CACNA2D1: variants seen among roughly 807,000 people sequenced by gnomAD.
CACNA2D1 encodes calcium voltage-gated channel auxiliary subunit alpha2delta 1.
CACNA2D1 carries 53 observed loss-of-function variants against 171.5 expected under a neutral mutation model. That is an observed-to-expected ratio of 0.31 (90% CI 0.25 to 0.39). The LOEUF is 0.39. Ranked by LOEUF, CACNA2D1 falls within the 10% of genes least tolerant of loss-of-function variation. CACNA2D1 has a pLI of 1.00. For missense variants in CACNA2D1, 903 were observed against 1,299.8 expected, an observed-to-expected ratio of 0.69 and a Z score of 4.69; for synonymous variants, 442 against 443.1, an observed-to-expected ratio of 1.00 and a Z score of 0.03.
intron 12 of CACNA2D1, among the ~76,000 whole-genome samples, chr7:82,032,084 G>T (rs37155): frequency 0.53 from 79,731 of 151,718 alleles, 23,239 homozygotes; most frequent in African/African-American, 0.8. Context: ...ATAATAGGAC[G>T]GCTAGAAAAA....
At chr7:82,389,132 GTA>G (rs1158111347) in intron 1 of CACNA2D1, among the ~76,000 whole-genome samples, 4 of 137,758 alleles carry the variant, frequency 2.9e-5, no homozygotes, top group Non-Finnish European at 4.6e-5. Flanking sequence ...ATAATAATTA[GTA>G]TATATATATA....
At chr7:81,983,838 T>C (rs1414174195) in intron 22 of CACNA2D1, among the ~76,000 whole-genome samples, 1 of 152,182 alleles carries the variant, frequency 6.6e-6, no homozygotes, top group Non-Finnish European at 1.5e-5. Flanking sequence ...AAAGAAACTG[T>C]AGCTTACTTT....
intron 26 of CACNA2D1, 122 bp downstream of exon 26, chr7:81,971,652 TTTC>T (rs1795287370): frequency 1.5e-6 from 1 of 672,158 alleles, no homozygotes; most frequent in Admixed American, 2.4e-5. Flanking sequence ...GTATAGTGAT[TTTC>T]TTGAGAAATA....
intron 3 of CACNA2D1, among the ~76,000 whole-genome samples, chr7:82,221,666 C>G (rs1279121519): frequency 6.6e-6 from 1 of 151,592 alleles, no homozygotes; most frequent in East Asian, 2.0e-4. Context: ...ATCGCTTGAA[C>G]CAGGGAGATG....
intron 5 of CACNA2D1, among the ~76,000 whole-genome samples, chr7:82,123,936 A>C (rs1790032933): frequency 6.6e-6 from 1 of 152,108 alleles, no homozygotes; most frequent in East Asian, 1.9e-4. Flanking sequence ...TATATCATAC[A>C]ATCAGTATAT....
intron 3 of CACNA2D1, among the ~76,000 whole-genome samples, chr7:82,303,552 AG>A (rs1813326317): frequency 6.6e-6 from 1 of 152,166 alleles, no homozygotes. Context: ...ACAAGGCAAT[AG>A]TAACCAAAAT....
At chr7:82,227,746 A>G (rs1247786753) in intron 3 of CACNA2D1, among the ~76,000 whole-genome samples, 1 of 152,172 alleles carries the variant, frequency 6.6e-6, no homozygotes, top group African/African-American at 2.4e-5. Flanking sequence ...ATGTTTTTTA[A>G]CTTTAGAAAA....
chr7:82,341,019 C>T (rs1223473551), intron 2 of CACNA2D1, among the ~76,000 whole-genome samples: 1 of 152,110 alleles, frequency 6.6e-6, no homozygotes, highest in African/African-American at 2.4e-5. Context: ...AAATCAATTT[C>T]ACTTAATTTT....
At chr7:81,988,200 C>T (rs148860742) in intron 21 of CACNA2D1, among the ~76,000 whole-genome samples, 157 of 152,236 alleles carry the variant, frequency 1.0e-3, no homozygotes, top group African/African-American at 3.6e-3. Flanking sequence ...TTTGTTTTAT[C>T]ATAAAATCAT....
At position 82,284,659 on chromosome 7, in the gene CACNA2D1, C is replaced by T. The variant is rs573402073; in HGVS notation, c.294+50476G>A. Among the ~76,000 whole-genome samples, 3 of 152,248 alleles carry T rather than the reference C, an allele frequency of 2.0e-5. No individual in the cohort carries two copies. The East Asian group carries it at 5.8e-4, about 30-fold the overall frequency. ...AAGAGCAAGGAAGGTAAACTCTCTC[C>T]TTCAAGCCCTTCTGTACAGCGCTAA... is the stretch of plus-strand genomic sequence containing the variant. On this transcript the variant is annotated intron_variant, in intron 3 of 38. Transcript: ENST00000356860.
chr7:82,070,566 T>C lies in CACNA2D1; in HGVS notation c.659-4042A>G, dbSNP rs79520513. On this transcript the variant is annotated intron_variant, in intron 7 of 38. Coordinates refer to ENST00000356860, the MANE Select transcript of CACNA2D1 (RefSeq NM_000722.4). ...TTGGATTCCAAGGGCATCCAGGACA[T>C]TGGGCTTGCAGCTGCTAGATGGAGG... is the stretch of plus-strand genomic sequence containing the variant. Among the ~76,000 whole-genome samples the C allele has an allele frequency of 6.0e-3, 906 of 152,262 alleles. 10 individuals are homozygous for C. Among genetic ancestry groups the C allele is most frequent in the African/African-American group, 0.021 (866 of 41,540 alleles).
At chr7:82,117,218 A>T in intron 5 of CACNA2D1, 45 bp from the exon 6 acceptor site, 1 of 1,580,394 alleles carries the variant, frequency 6.3e-7, no homozygotes, top group South Asian at 1.1e-5. Context: ...TTTTGCTAAC[A>T]TAAATATTTT....
chr7:82,076,703 G>A (rs1175291249), intron 7 of CACNA2D1, among the ~76,000 whole-genome samples: 2 of 151,936 alleles, frequency 1.3e-5, no homozygotes, highest in African/African-American at 2.4e-5. Flanking sequence ...GCATTACAGT[G>A]CCCAAAATGT....
chr7:82,098,560 T>A lies in CACNA2D1; in HGVS notation c.527-13660A>T, dbSNP rs1435157124. Among the ~76,000 whole-genome samples, 2 of 152,206 alleles carry A rather than the reference T, an allele frequency of 1.3e-5. 1 individual carries two copies. Among genetic ancestry groups the A allele is most frequent in the South Asian group, 4.1e-4 (2 of 4,822 alleles). ...CTTGGAGAATAAGCAATTTCCCTGC[T>A]GCCTCCATTAGAATGATGAGGTAAT... On this transcript the variant is annotated intron_variant, in intron 6 of 38. Transcript: ENST00000356860.
intron 10 of CACNA2D1, among the ~76,000 whole-genome samples, chr7:82,041,355 C>T (rs780866886): frequency 6.6e-6 from 1 of 152,070 alleles, no homozygotes; most frequent in Non-Finnish European, 1.5e-5. Flanking sequence ...AAATGCACAT[C>T]AACTTCATTA....
chr7:82,070,759 T>C (rs1326408592), intron 7 of CACNA2D1, among the ~76,000 whole-genome samples: 1 of 152,016 alleles, frequency 6.6e-6, no homozygotes, highest in Non-Finnish European at 1.5e-5. Context: ...TAAAAGAAAA[T>C]TTCCCAATGG....
At chr7:82,070,721 A>G (rs982881975) in intron 7 of CACNA2D1, among the ~76,000 whole-genome samples, 23 of 152,310 alleles carry the variant, frequency 1.5e-4, no homozygotes, top group African/African-American at 5.0e-4. Flanking sequence ...GGTGGGAGAA[A>G]TGTAGTCCCT....
At chr7:81,989,462 C>A (rs1217808917) in intron 21 of CACNA2D1, among the ~76,000 whole-genome samples, 1 of 152,184 alleles carries the variant, frequency 6.6e-6, no homozygotes, top group Non-Finnish European at 1.5e-5. Context: ...TTCTTTCTGA[C>A]CACTTCTATT....
rs147040721 is a variant in CACNA2D1 at position 82,383,158 on chromosome 7, T to C, written c.96-33509A>G. Among the ~76,000 whole-genome samples the C allele has an allele frequency of 6.8e-4, 103 of 152,256 alleles. No individual in the cohort carries two copies. In the East Asian group the frequency reaches 0.02, roughly 29 times the overall value. On this transcript the variant is annotated intron_variant, in intron 1 of 38. Transcript: ENST00000356860. ...CACAGCCTTGAACAAGAAAAACAGA[T>C]CATAAGTCATGTTAGGTATCTGTCT...
Sources: gnomAD v4.1 joint callset for allele counts (sites outside exome capture counted in the v4.1 genomes callset) on GRCh38, gnomAD v4.1.1 for gene constraint, MANE v1.5 for transcripts, NCBI Gene and HGNC (gene_info 2026-07-23, HGNC 2026-07-21) for gene names.